MAP4: variants seen among roughly 807,000 people sequenced by gnomAD.
MAP4 encodes microtubule associated protein 4.
MAP4 carries 76 observed loss-of-function variants against 170.2 expected under a neutral mutation model. That is an observed-to-expected ratio of 0.45 (90% confidence interval 0.37 to 0.54). MAP4 has a LOEUF of 0.54. MAP4 is among the 20% of genes least tolerant of loss of function. The pLI, the probability that MAP4 is intolerant of heterozygous loss-of-function variation, is 0.00. For missense variants in MAP4, 2,506 were observed against 2,748.0 expected (o/e 0.91, Z 1.97); for synonymous variants, 909 against 994.5 (o/e 0.91, Z 1.62).
upstream of MAP4, among the ~76,000 whole-genome samples, chr3:48,017,883 G>A (rs1387365566): frequency 6.6e-6 from 1 of 152,122 alleles, no homozygotes; most frequent in African/African-American, 2.4e-5. Context: ...GACAGGTTTC[G>A]TGGAAAACAA....
chr3:48,019,954 TAAAGA>T (rs1444833373), upstream of MAP4, among the ~76,000 whole-genome samples: 2 of 152,154 alleles, frequency 1.3e-5, no homozygotes, highest in Non-Finnish European at 1.5e-5. Context: ...TCAGTGAAAA[TAAAGA>T]AAAGTGGAAG....
chr3:47,922,201 G>A (rs1457486429), intron 4 of MAP4, among the ~76,000 whole-genome samples: 1 of 151,668 alleles, frequency 6.6e-6, no homozygotes, highest in Non-Finnish European at 1.5e-5. Context: ...TGCCCACCTC[G>A]GCCTCCCAAA....
At chr3:47,873,890 C>T in intron 12 of MAP4, among the ~76,000 whole-genome samples, 1 of 152,226 alleles carries the variant, frequency 6.6e-6, no homozygotes, top group East Asian at 1.9e-4. Context: ...ATGTCAGGCT[C>T]TTGGCTTCAA....
chr3:48,009,011 CACTT>C (rs905699345), intron 1 of MAP4, among the ~76,000 whole-genome samples: 1 of 152,194 alleles, frequency 6.6e-6, no homozygotes, highest in Non-Finnish European at 1.5e-5. Context: ...CTCAAATAGA[CACTT>C]ACTCTGGATA....
At chr3:48,041,440 TAAAAA>T (rs1246614087) in intron 1 of MAP4, among the ~76,000 whole-genome samples, 5 of 146,302 alleles carry the variant, frequency 3.4e-5, no homozygotes, top group Non-Finnish European at 7.6e-5. Context: ...TCTGAAAAAT[TAAAAA>T]AAAAAAATTC....
At chr3:47,974,444 T>C in intron 3 of MAP4, 1 of 981,460 alleles carries the variant, frequency 1.0e-6, no homozygotes, top group East Asian at 1.1e-4. Flanking sequence ...ACAATGTATA[T>C]CTCAAAATCT....
upstream of MAP4, among the ~76,000 whole-genome samples, chr3:48,016,594 TTATC>T (rs923214382): frequency 6.6e-6 from 1 of 152,228 alleles, no homozygotes; most frequent in Non-Finnish European, 1.5e-5. Context: ...ATCTTCCATT[TTATC>T]TAAATTTTTT....
At chr3:47,936,617 T>G (rs2100053036) in intron 3 of MAP4, among the ~76,000 whole-genome samples, 1 of 151,912 alleles carries the variant, frequency 6.6e-6, no homozygotes, top group Admixed American at 6.6e-5. Context: ...AAAACAAAGC[T>G]TCTTCACAGG....
chr3:47,945,923 A>G (rs1042248172), intron 3 of MAP4, among the ~76,000 whole-genome samples: 7 of 150,376 alleles, frequency 4.7e-5, no homozygotes, highest in African/African-American at 1.7e-4. Context: ...CGTGTTGCCA[A>G]GACTGGTTTT....
intron 6 of MAP4, among the ~76,000 whole-genome samples, chr3:47,917,817 A>C (rs1701830189): frequency 1.3e-5 from 2 of 152,104 alleles, no homozygotes; most frequent in Non-Finnish European, 2.9e-5. Context: ...TCCTATCAAG[A>C]AAAACTCCAG....
intron 4 of MAP4, among the ~76,000 whole-genome samples, chr3:47,927,463 G>T (rs2100046692): frequency 6.6e-6 from 1 of 151,238 alleles, no homozygotes; most frequent in South Asian, 2.1e-4. Context: ...ATAGGCTTTT[G>T]TTTGTTTGTT....
In MAP4 at chr3:48,000,221, CAAAAAAAAAAA is replaced by C. The variant is rs530513032; in HGVS notation, c.-19-1353_-19-1343del. Among the ~76,000 whole-genome samples, 252 of 79,890 alleles carry C rather than the reference CAAAAAAAAAAA, an allele frequency of 3.2e-3. 1 individual carries two copies. Among genetic ancestry groups the C allele is most frequent in the African/African-American group, 0.013 (218 of 16,536 alleles). 52.4% of individuals were successfully genotyped at this position (79,890 alleles called of 152,430 possible). A position where few individuals can be genotyped will look rare whatever the true frequency, so the allele number is the denominator to read the frequency against. ...CAGAGGAAGTCTCCGACTCCCCCAT[CAAAAAAAAAAA>C]AAAAAAAAAAAAAAAGAGCCAAAGG... On this transcript the variant is annotated intron_variant, in intron 1 of 20. Coordinates refer to ENST00000683076, the MANE Select transcript of MAP4 (RefSeq NM_001385682.1).
At chr3:48,053,799 T>C (rs1378876382) in intron 1 of MAP4, among the ~76,000 whole-genome samples, 3 of 152,178 alleles carry the variant, frequency 2.0e-5, no homozygotes. Context: ...TATTCATGCA[T>C]TTATTAACAA....
chr3:47,975,450 G>A (rs2100081460), intron 3 of MAP4: 1 of 1,569,596 alleles, frequency 6.4e-7, no homozygotes, highest in South Asian at 1.2e-5. Context: ...CCAGTGTTGA[G>A]AGACACGCTA....
intron 3 of MAP4, chr3:47,973,271 AAGAG>A (rs954062113): frequency 3.0e-6 from 3 of 985,032 alleles, no homozygotes; most frequent in Non-Finnish European, 3.6e-6. Flanking sequence ...AGGAAAAAAA[AAGAG>A]AGAGAGAAAG....
intron 2 of MAP4, among the ~76,000 whole-genome samples, chr3:47,979,787 C>A (rs2100084415): frequency 6.6e-6 from 1 of 151,766 alleles, no homozygotes; most frequent in Non-Finnish European, 1.5e-5. Flanking sequence ...GTAATATGAG[C>A]CCTCCAACTT....
chr3:47,967,525 G>A (rs994833765), intron 3 of MAP4, among the ~76,000 whole-genome samples: 2 of 152,084 alleles, frequency 1.3e-5, no homozygotes, highest in Non-Finnish European at 2.9e-5. Flanking sequence ...GGCGGCAGGC[G>A]CCTGTAATCT....
chr3:48,016,843 C>T (rs543024085), upstream of MAP4, among the ~76,000 whole-genome samples: 2 of 150,830 alleles, frequency 1.3e-5, no homozygotes, highest in East Asian at 2.0e-4. Flanking sequence ...GTGGCATGAT[C>T]TCAGCTCACT....
At chr3:47,878,944 C>T (rs764405847) in intron 10 of MAP4, among the ~76,000 whole-genome samples, 19 of 152,072 alleles carry the variant, frequency 1.2e-4, no homozygotes, top group Non-Finnish European at 2.2e-4. Flanking sequence ...ACTGTATGAC[C>T]CATAGGCAGG....
Sources: gnomAD v4.1 joint callset for allele counts (sites outside exome capture counted in the v4.1 genomes callset) on GRCh38, gnomAD v4.1.1 for gene constraint, MANE v1.5 for transcripts, NCBI Gene and HGNC (gene_info 2026-07-23, HGNC 2026-07-21) for gene names.